The following LSAMP variants were observed in gnomAD, a reference collection of about 807,000 sequenced individuals.
LSAMP encodes limbic system-associated membrane protein.
LSAMP carries 7 observed loss-of-function variants against 38.6 expected under a neutral mutation model. The observed-to-expected ratio is 0.18, with a 90% CI of 0.10 to 0.34. LSAMP has a LOEUF of 0.34. Ranked by LOEUF, LSAMP falls within the 10% of genes least tolerant of loss-of-function variation. LSAMP has a pLI of 1.00. For missense variants in LSAMP, 313 were observed against 420.0 expected (o/e 0.75, Z 2.23); for synonymous variants, 154 against 166.8 (o/e 0.92, Z 0.59).
At chr3:115,918,290 A>T (rs1274762744) in intron 3 of LSAMP, among the ~76,000 whole-genome samples, 1 of 152,212 alleles carries the variant, frequency 6.6e-6, no homozygotes, top group African/African-American at 2.4e-5. Context: ...CTTGGCCTGG[A>T]TAAAAAATAG....
intron 1 of LSAMP, among the ~76,000 whole-genome samples, chr3:116,240,265 G>A (rs2046515764): frequency 6.6e-6 from 1 of 152,158 alleles, no homozygotes; most frequent in Admixed American, 6.5e-5. Flanking sequence ...ATGAAGGCAA[G>A]GTCTTTTGGA....
At position 116,182,676 on chromosome 3, in the gene LSAMP, C is replaced by T. The variant is rs183277914; in HGVS notation, c.156-96120G>A. ...ATGGAGAAAAGGCAATAAAGAATCA[C>T]CTGTTTTTTTGATATTGTTGTTGCT... On this transcript the variant is annotated intron_variant, in intron 1 of 6. Transcript: ENST00000490035. 1.6e-3 allele frequency among the ~76,000 whole-genome samples: 250 copies of T among 151,762 alleles called. 2 individuals are homozygous for T. Among genetic ancestry groups the T allele is most frequent in the African/African-American group, 5.6e-3 (233 of 41,478 alleles).
intron 3 of LSAMP, among the ~76,000 whole-genome samples, chr3:115,922,215 T>C (rs1937399049): frequency 6.6e-6 from 1 of 152,184 alleles, no homozygotes; most frequent in Non-Finnish European, 1.5e-5. Flanking sequence ...AATGCCTATA[T>C]TGCTTGATGA....
rs536127677 is a variant in LSAMP at position 115,961,127 on chromosome 3, A to G, written c.514+58388T>C. Among the ~76,000 whole-genome samples the G allele has an allele frequency of 3.3e-5, 5 of 152,360 alleles. No individual in the cohort carries two copies. In the South Asian group the frequency reaches 1.0e-3, roughly 32 times the overall value. Reference sequence around the variant, plus strand: ...ATGCTATTTCAGAGGGACTGGGAGAAGCTGAGAGAGGAGTGGAAGTGGAGA... The same window carrying G: ...ATGCTATTTCAGAGGGACTGGGAGAGGCTGAGAGAGGAGTGGAAGTGGAGA... On this transcript the variant is annotated intron_variant, in intron 3 of 6. Coordinates refer to ENST00000490035, the MANE Select transcript of LSAMP (RefSeq NM_002338.5).
At chr3:115,871,797 G>A (rs1327894546) in intron 3 of LSAMP, among the ~76,000 whole-genome samples, 1 of 152,118 alleles carries the variant, frequency 6.6e-6, no homozygotes, top group Non-Finnish European at 1.5e-5. Flanking sequence ...GAGCAAAGCA[G>A]GAATACCATC....
intron 1 of LSAMP, among the ~76,000 whole-genome samples, chr3:116,106,849 G>A (rs1301365128): frequency 6.6e-6 from 1 of 152,088 alleles, no homozygotes; most frequent in East Asian, 1.9e-4. Context: ...CCTGGGTGGG[G>A]GCAAATCCTC....
intron 2 of LSAMP, among the ~76,000 whole-genome samples, chr3:116,040,747 T>C (rs1941151180): frequency 6.6e-6 from 1 of 152,160 alleles, no homozygotes; most frequent in South Asian, 2.1e-4. Flanking sequence ...TTCTTCTCTT[T>C]CTTCCTTTTT....
chr3:116,436,635 C>A (rs1397917806), intron 1 of LSAMP, among the ~76,000 whole-genome samples: 7 of 152,142 alleles, frequency 4.6e-5, no homozygotes, highest in Non-Finnish European at 1.0e-4. Context: ...TGTGATACCA[C>A]CTTACTCCTC....
Position 115,997,931 on chromosome 3 carries a change from CATATA to C in LSAMP, c.514+21579_514+21583del, listed in dbSNP as rs932153106. Among the ~76,000 whole-genome samples the C allele has an allele frequency of 4.8e-5, 7 of 145,372 alleles. No individual in the cohort carries two copies. In the South Asian group the frequency reaches 6.4e-4, roughly 13 times the overall value. Reference sequence around the variant, plus strand: ...TACATATATACATATAATAGCTATACATATAATATTAAAAATATTATATATTATAT... The same window carrying C: ...TACATATATACATATAATAGCTATACATATTAAAAATATTATATATTATAT... On this transcript the variant is annotated intron_variant, in intron 3 of 6. Transcript: ENST00000490035.
At chr3:116,120,193 T>C (rs1392136746) in intron 1 of LSAMP, among the ~76,000 whole-genome samples, 1 of 152,078 alleles carries the variant, frequency 6.6e-6, no homozygotes, top group Non-Finnish European at 1.5e-5. Context: ...AGATATATTA[T>C]AATAGAAGTA....
chr3:116,005,674 A>T (rs1940136775), intron 3 of LSAMP, among the ~76,000 whole-genome samples: 1 of 152,228 alleles, frequency 6.6e-6, no homozygotes, highest in African/African-American at 2.4e-5. Context: ...AGCAACAATC[A>T]GTAACATAAC....
chr3:115,818,656 G>C (rs1395440882), intron 6 of LSAMP, among the ~76,000 whole-genome samples: 3 of 149,386 alleles, frequency 2.0e-5, no homozygotes, highest in African/African-American at 7.4e-5. Context: ...TTCTAGACAG[G>C]ATTATTAGTG....
chr3:116,266,384 G>T (rs2046892004), intron 1 of LSAMP, among the ~76,000 whole-genome samples: 1 of 152,134 alleles, frequency 6.6e-6, no homozygotes, highest in South Asian at 2.1e-4. Context: ...CTGCTTGCAA[G>T]CCAAGAACTT....
At chr3:116,186,971 G>A (rs902681462) in intron 1 of LSAMP, among the ~76,000 whole-genome samples, 1 of 152,112 alleles carries the variant, frequency 6.6e-6, no homozygotes, top group Non-Finnish European at 1.5e-5. Flanking sequence ...ACCAGGTGGT[G>A]GGAGGGGTGG....
At chr3:116,209,710 T>A (rs2046127402) in intron 1 of LSAMP, among the ~76,000 whole-genome samples, 1 of 152,170 alleles carries the variant, frequency 6.6e-6, no homozygotes, top group African/African-American at 2.4e-5. Context: ...CTAGGGTCTC[T>A]GATTGAACAA....
chr3:116,118,831 C>CGAA (rs1708811662), intron 1 of LSAMP, among the ~76,000 whole-genome samples: 1 of 152,090 alleles, frequency 6.6e-6, no homozygotes, highest in African/African-American at 2.4e-5. Context: ...ACTAAACTTC[C>CGAA]ACCCCTCATC....
intron 1 of LSAMP, among the ~76,000 whole-genome samples, chr3:116,267,483 T>A (rs2046907464): frequency 6.6e-6 from 1 of 151,996 alleles, no homozygotes; most frequent in African/African-American, 2.4e-5. Context: ...CCTGGAGTCT[T>A]AGTATCAATG....
chr3:116,275,255 G>A (rs2047033610), intron 1 of LSAMP, among the ~76,000 whole-genome samples: 1 of 152,048 alleles, frequency 6.6e-6, no homozygotes, highest in Non-Finnish European at 1.5e-5. Flanking sequence ...GTCTCACTAT[G>A]TTGTCCAGGC....
At chr3:116,067,883 G>T (rs1265052163) in intron 2 of LSAMP, among the ~76,000 whole-genome samples, 2 of 152,036 alleles carry the variant, frequency 1.3e-5, no homozygotes, top group African/African-American at 4.8e-5. Flanking sequence ...ATACATGCTT[G>T]ATGAGCAGTG....
Sources: gnomAD v4.1 joint callset for allele counts (sites outside exome capture counted in the v4.1 genomes callset) on GRCh38, gnomAD v4.1.1 for gene constraint, MANE v1.5 for transcripts, NCBI Gene and HGNC (gene_info 2026-07-23, HGNC 2026-07-21) for gene names.